The following KCNT2 variants were observed in gnomAD, a reference collection of about 807,000 sequenced individuals.
KCNT2 encodes the protein potassium channel subfamily T member 2.
In KCNT2, 67 loss-of-function variants were observed where a neutral mutation model predicts 153.8. That is an observed-to-expected ratio of 0.44 (90% confidence interval 0.36 to 0.53). The LOEUF (loss-of-function observed/expected upper bound fraction) is 0.53, where lower values mean the gene tolerates loss of function less well. KCNT2 is among the 20% of genes least tolerant of loss of function. The pLI is 0.00. For missense variants in KCNT2, 975 were observed against 1,354.8 expected (o/e 0.72, Z 4.40); for synonymous variants, 500 against 458.8 (o/e 1.09, Z -1.15).
chr1:196,315,622 T>C (rs1257052823), intron 21 of KCNT2, among the ~76,000 whole-genome samples: 1 of 151,710 alleles, frequency 6.6e-6, no homozygotes, highest in Non-Finnish European at 1.5e-5. Flanking sequence ...CTAGTACACA[T>C]GATTTTCAAG....
intron 26 of KCNT2, among the ~76,000 whole-genome samples, chr1:196,241,114 T>C (rs1233493314): frequency 6.6e-6 from 1 of 151,900 alleles, no homozygotes; most frequent in East Asian, 1.9e-4. Context: ...AGCTGGGAGA[T>C]ACCACAGTAT....
At chr1:196,354,029 A>G (rs1666971152) in intron 14 of KCNT2, among the ~76,000 whole-genome samples, 1 of 151,924 alleles carries the variant, frequency 6.6e-6, no homozygotes, top group Admixed American at 6.6e-5. Context: ...ATCTTATTAT[A>G]CTGATGACTT....
At chr1:196,429,897 G>A in intron 8 of KCNT2, 140 bp from the exon 9 acceptor site, 2 of 594,940 alleles carry the variant, frequency 3.4e-6, no homozygotes, top group Non-Finnish European at 2.9e-6. Context: ...ATTTTTCTAG[G>A]AAAGATATAA....
intron 25 of KCNT2, among the ~76,000 whole-genome samples, chr1:196,268,848 T>C (rs1371485451): frequency 6.6e-6 from 1 of 152,052 alleles, no homozygotes; most frequent in Non-Finnish European, 1.5e-5. Flanking sequence ...TTGGGGCATA[T>C]GTGGCATCCT....
intron 13 of KCNT2, among the ~76,000 whole-genome samples, chr1:196,395,723 T>G (rs1310619275): frequency 6.6e-6 from 1 of 151,612 alleles, no homozygotes; most frequent in Non-Finnish European, 1.5e-5. Flanking sequence ...AATCATGTTA[T>G]TTTGACAAAT....
At chr1:196,571,686 G>C (rs937101482) in intron 1 of KCNT2, among the ~76,000 whole-genome samples, 1 of 151,980 alleles carries the variant, frequency 6.6e-6, no homozygotes, top group African/African-American at 2.4e-5. Flanking sequence ...TACAAATTCA[G>C]GGGAAGATAT....
At chr1:196,450,218 T>G (rs1475292398) in intron 8 of KCNT2, among the ~76,000 whole-genome samples, 1 of 151,926 alleles carries the variant, frequency 6.6e-6, no homozygotes, top group African/African-American at 2.4e-5. Flanking sequence ...CTTTCATCCC[T>G]ATATAATGCC....
rs778017112 is a variant in KCNT2, at chr1:196,428,317, A to C, written c.820-48T>G. The C allele has an allele frequency of 2.7e-5, 36 of 1,328,168 alleles. No homozygotes were observed. In the Middle Eastern group the frequency reaches 9.2e-4, roughly 34 times the overall value. 82.3% of individuals were successfully genotyped at this position (1,328,168 alleles called of 1,614,324 possible). Reference sequence around the variant, plus strand: ...GAATGAAAAACACAGTAAGGAAATAAATAAATCAATGCAATACATCTATTG... The same window carrying C: ...GAATGAAAAACACAGTAAGGAAATACATAAATCAATGCAATACATCTATTG... On this transcript the variant is annotated intron_variant, in intron 9 of 27. Coordinates refer to ENST00000294725, the MANE Select transcript of KCNT2 (RefSeq NM_198503.5).
At chr1:196,395,306 C>G (rs774840920) in intron 13 of KCNT2, among the ~76,000 whole-genome samples, 2 of 151,544 alleles carry the variant, frequency 1.3e-5, no homozygotes, top group Non-Finnish European at 3.0e-5. Context: ...TTTCTATTCT[C>G]TGAGAAAATG....
intron 12 of KCNT2, among the ~76,000 whole-genome samples, chr1:196,401,442 T>C (rs1441372204): frequency 6.6e-6 from 1 of 151,718 alleles, no homozygotes; most frequent in Non-Finnish European, 1.5e-5. Flanking sequence ...CTACTAGAAC[T>C]ATGATCAGTA....
At chr1:196,288,531 G>T (rs1300750117) in intron 22 of KCNT2, among the ~76,000 whole-genome samples, 3 of 152,020 alleles carry the variant, frequency 2.0e-5, no homozygotes, top group African/African-American at 4.8e-5. Flanking sequence ...ATGAGGAGGT[G>T]GCATGGGAAA....
intron 19 of KCNT2, among the ~76,000 whole-genome samples, chr1:196,325,716 T>C (rs1414598736): frequency 1.3e-5 from 2 of 152,142 alleles, no homozygotes; most frequent in East Asian, 1.9e-4. Context: ...GAAAAAGTCA[T>C]TGAGTAATCA....
chr1:196,438,888 A>AT lies in KCNT2; in HGVS notation c.639-9132dup, dbSNP rs1674968255. Among the ~76,000 whole-genome samples the AT allele has an allele frequency of 6.6e-5, 10 of 151,850 alleles. No homozygotes were observed. The Admixed American group carries it at 6.6e-4, about 10-fold the overall frequency. ...ATATTTTGAAAAAAAATCCAATAGA[A>AT]TTTTCTCTTTTTATATTACTTAAAA... On this transcript the variant is annotated intron_variant, in intron 8 of 27. Coordinates refer to ENST00000294725, the MANE Select transcript of KCNT2 (RefSeq NM_198503.5).
intron 1 of KCNT2, among the ~76,000 whole-genome samples, chr1:196,517,997 T>G (rs1425899745): frequency 6.6e-6 from 1 of 152,002 alleles, no homozygotes; most frequent in African/African-American, 2.4e-5. Flanking sequence ...TGAAAGAATA[T>G]TAAAGGCAGC....
chr1:196,499,541 G>T (rs1051413492), intron 1 of KCNT2, among the ~76,000 whole-genome samples: 9 of 152,190 alleles, frequency 5.9e-5, no homozygotes, highest in Non-Finnish European at 1.2e-4. Context: ...TACAAACCAT[G>T]AGGACTCTGA....
chr1:196,535,776 A>AGG (rs1655479102), intron 1 of KCNT2, among the ~76,000 whole-genome samples: 1 of 152,208 alleles, frequency 6.6e-6, no homozygotes, highest in African/African-American at 2.4e-5. Flanking sequence ...CCATATGTAC[A>AGG]GTGTCAGCAT....
At chr1:196,575,312 A>AT (rs1223823202) in intron 1 of KCNT2, among the ~76,000 whole-genome samples, 1 of 151,984 alleles carries the variant, frequency 6.6e-6, no homozygotes, top group Non-Finnish European at 1.5e-5. Flanking sequence ...TATCTATATT[A>AT]TTTTTTTCAT....
chr1:196,249,299 T>C (rs536725471), intron 26 of KCNT2, among the ~76,000 whole-genome samples: 1 of 152,190 alleles, frequency 6.6e-6, no homozygotes, highest in Admixed American at 6.6e-5. Flanking sequence ...AAGGTGTATA[T>C]AGAATAGACA....
chr1:196,281,846 C>T (rs1404672967), intron 24 of KCNT2, among the ~76,000 whole-genome samples: 1 of 151,508 alleles, frequency 6.6e-6, no homozygotes, highest in East Asian at 1.9e-4. Context: ...AAGCTCTGCC[C>T]CCTGGGTTCA....
Sources: gnomAD v4.1 joint callset for allele counts (sites outside exome capture counted in the v4.1 genomes callset) on GRCh38, gnomAD v4.1.1 for gene constraint, MANE v1.5 for transcripts, NCBI Gene and HGNC (gene_info 2026-07-23, HGNC 2026-07-21) for gene names.